ALKBH3: variants seen among roughly 807,000 people sequenced by gnomAD.
ALKBH3 encodes the protein alpha-ketoglutarate-dependent dioxygenase alkB homolog 3.
Under a neutral mutation model 43.9 loss-of-function variants are expected in ALKBH3, and 51 were observed. The ratio of observed to expected loss-of-function variants is 1.16; its 90% CI spans 0.93 to 1.47. ALKBH3 has a LOEUF of 1.47. Ranked by LOEUF, ALKBH3 falls within the 40% of genes most tolerant of loss-of-function variation. ALKBH3 has a pLI of 0.00. For synonymous variants in ALKBH3, 102 were observed against 115.2 expected, an observed-to-expected ratio of 0.89 and a Z score of 0.73; for missense variants, 361 against 351.9, an observed-to-expected ratio of 1.03 and a Z score of -0.21.
At chr11:43,905,774 C>G (rs1951892147) in intron 8 of ALKBH3, among the ~76,000 whole-genome samples, 2 of 152,162 alleles carry the variant, frequency 1.3e-5, no homozygotes, top group South Asian at 2.1e-4. Flanking sequence ...TTGTCCCAAA[C>G]CCAGTTGTAC....
chr11:43,889,723 A>T lies in ALKBH3; in HGVS notation c.267-2A>T. 1 of 1,613,736 alleles carries T rather than the reference A, an allele frequency of 6.2e-7. No individual in the cohort carries two copies. Among genetic ancestry groups the T allele is most frequent in the Non-Finnish European group, 8.5e-7 (1 of 1,179,686 alleles). ...GGTTAACAATGTTCATTCTGCACCC[A>T]GGGTCTGTTTGTATCCTGGCTTTGT... On this transcript the variant is annotated splice_acceptor_variant, in intron 5 of 9. Transcript: ENST00000302708. LOFTEE classifies it high-confidence loss of function.
chr11:43,896,037 T>C (rs139452705), intron 7 of ALKBH3, among the ~76,000 whole-genome samples: 241 of 152,300 alleles, frequency 1.6e-3, no homozygotes, highest in African/African-American at 5.7e-3. Flanking sequence ...TTGTTGTGGA[T>C]TGTTTTTGCT....
chr11:43,907,874 C>A (rs578197032), intron 8 of ALKBH3, among the ~76,000 whole-genome samples: 1 of 152,068 alleles, frequency 6.6e-6, no homozygotes, highest in African/African-American at 2.4e-5. Flanking sequence ...AAGAGTGACA[C>A]GGTCTGATTG....
At chr11:43,900,898 C>T (rs567750549) in intron 7 of ALKBH3, among the ~76,000 whole-genome samples, 248 of 152,240 alleles carry the variant, frequency 1.6e-3, no homozygotes, top group African/African-American at 5.6e-3. Flanking sequence ...TAGTTGATGG[C>T]TCATATACTT....
At position 43,898,756 on chromosome 11, in the gene ALKBH3, G is replaced by A. The variant is rs1213999241; in HGVS notation, c.460-2760G>A. 3.5e-5 allele frequency: 26 copies of A among 734,912 alleles called. No individual in the cohort carries two copies. The Admixed American group carries it at 4.8e-4, about 14-fold the overall frequency. The allele number at this position is 734,912 out of a possible 1,614,324, so 45.5% of individuals were successfully genotyped here. A position where few individuals can be genotyped will look rare whatever the true frequency, so the allele number is the denominator to read the frequency against. On this transcript the variant is annotated intron_variant, in intron 7 of 9. Coordinates refer to ENST00000302708, the MANE Select transcript of ALKBH3 (RefSeq NM_139178.4). Reference sequence around the variant, plus strand: ...CCTGCGGTCACCCAGGGTATTTCCTGTGCTCTGGACGCTGGTTAGTCCATT... The same window carrying A: ...CCTGCGGTCACCCAGGGTATTTCCTATGCTCTGGACGCTGGTTAGTCCATT...
At chr11:43,904,178 C>A (rs1402843612) in intron 8 of ALKBH3, among the ~76,000 whole-genome samples, 1 of 152,188 alleles carries the variant, frequency 6.6e-6, no homozygotes, top group Non-Finnish European at 1.5e-5. Flanking sequence ...GTAAAGTCCA[C>A]ATAATTGTCT....
intron 2 of ALKBH3, 154 bp downstream of exon 2, chr11:43,882,885 G>T (rs1370318804): frequency 1.1e-6 from 1 of 951,108 alleles, no homozygotes; most frequent in Non-Finnish European, 1.6e-6. Flanking sequence ...TTTGTTGATG[G>T]TGAGCTAAGG....
At chr11:43,910,637 C>T (rs1951931095) in intron 8 of ALKBH3, 1 of 152,224 alleles carries the variant, frequency 6.6e-6, no homozygotes, top group Non-Finnish European at 1.5e-5. Flanking sequence ...AAGTTATTTT[C>T]AGCTCTTCCT....
At chr11:43,904,972 G>A (rs1305629160) in intron 8 of ALKBH3, among the ~76,000 whole-genome samples, 3 of 151,996 alleles carry the variant, frequency 2.0e-5, no homozygotes, top group Non-Finnish European at 4.4e-5. Flanking sequence ...GGTTGTGGGA[G>A]GGAATCTTTC....
intron 7 of ALKBH3, chr11:43,898,684 G>A (rs931768643): frequency 2.8e-5 from 20 of 715,892 alleles, no homozygotes; most frequent in African/African-American, 5.2e-5. Context: ...GTGGATCATC[G>A]AGGTGGTGAA....
intron 4 of ALKBH3, 71 bp downstream of exon 4, chr11:43,884,088 G>GT: frequency 1.3e-6 from 2 of 1,574,120 alleles, no homozygotes; most frequent in Non-Finnish European, 1.7e-6. Flanking sequence ...TTTCCTCACT[G>GT]TTTTTTCTAT....
At chr11:43,890,379 C>G (rs1282534524) in intron 6 of ALKBH3, among the ~76,000 whole-genome samples, 1 of 152,142 alleles carries the variant, frequency 6.6e-6, no homozygotes, top group Non-Finnish European at 1.5e-5. Flanking sequence ...CATCCACAAG[C>G]CAACAGTGCC....
chr11:43,911,774 T>A (rs535538919), intron 8 of ALKBH3, among the ~76,000 whole-genome samples: 1 of 152,264 alleles, frequency 6.6e-6, no homozygotes, highest in South Asian at 2.1e-4. Flanking sequence ...AAACTAATAA[T>A]ATAGACCATA....
At chr11:43,894,733 A>T (rs542251467) in intron 7 of ALKBH3, among the ~76,000 whole-genome samples, 1 of 152,242 alleles carries the variant, frequency 6.6e-6, no homozygotes, top group Non-Finnish European at 1.5e-5. Flanking sequence ...CTTTATCGCT[A>T]TGAAGATAAA....
At position 43,920,223 on chromosome 11, in the gene ALKBH3, A is replaced by T. The variant is rs1056018577; in HGVS notation, c.*213A>T. ...AACAGTTATCCCTAACCACAGCTCA[A>T]AATCGCTATCATCTTTAGGCAAATT... On this transcript the variant is annotated 3_prime_UTR_variant, in exon 10 of 10. Transcript: ENST00000302708. The T allele has an allele frequency of 1.9e-6, 1 of 528,540 alleles. No homozygotes were observed. Among genetic ancestry groups the T allele is most frequent in the Non-Finnish European group, 3.4e-6 (1 of 296,286 alleles). The allele number at this position is 528,540 out of a possible 1,614,324, so 32.7% of individuals were successfully genotyped here. A position where few individuals can be genotyped will look rare whatever the true frequency, so the allele number is the denominator to read the frequency against.
intron 7 of ALKBH3, chr11:43,898,829 A>G (rs1951839801): frequency 1.3e-6 from 1 of 766,304 alleles, no homozygotes; most frequent in Non-Finnish European, 2.4e-6. Context: ...GCAGGAAATG[A>G]CTACCAGGGT....
intron 3 of ALKBH3, 48 bp from the exon 4 acceptor site, chr11:43,883,935 T>G (rs1186646236): frequency 6.2e-7 from 1 of 1,608,304 alleles, no homozygotes; most frequent in South Asian, 1.1e-5. Context: ...TCAGTATCCT[T>G]GAGGATTAAG....
intron 9 of ALKBH3, 148 bp downstream of exon 9, chr11:43,919,284 G>T (rs749579980): frequency 1.1e-5 from 8 of 696,748 alleles, no homozygotes; most frequent in African/African-American, 1.8e-5. Flanking sequence ...AAGGAGTTTT[G>T]CTACTACTGA....
intron 7 of ALKBH3, among the ~76,000 whole-genome samples, chr11:43,893,341 A>G (rs1951796964): frequency 6.6e-6 from 1 of 152,166 alleles, no homozygotes; most frequent in East Asian, 1.9e-4. Context: ...CCAACTCAAG[A>G]CATTGTTAAA....
Sources: gnomAD v4.1 joint callset for allele counts (sites outside exome capture counted in the v4.1 genomes callset) on GRCh38, gnomAD v4.1.1 for gene constraint, MANE v1.5 for transcripts, NCBI Gene and HGNC (gene_info 2026-07-23, HGNC 2026-07-21) for gene names.